Variants in SAMD4B observed in about 807,000 individuals in gnomAD.
SAMD4B encodes the protein sterile alpha motif domain containing 4B, also known as protein Smaug homolog 2.
Under a neutral mutation model 74.5 loss-of-function variants are expected in SAMD4B, and 5 were observed. That is an observed-to-expected ratio of 0.07 (90% confidence interval 0.04 to 0.14). The LOEUF (loss-of-function observed/expected upper bound fraction) is 0.14, where lower values mean the gene tolerates loss of function less well. Ranked by LOEUF, SAMD4B falls within the 10% of genes least tolerant of loss-of-function variation. SAMD4B has a pLI of 1.00. For synonymous variants in SAMD4B, 373 were observed against 374.9 expected (o/e 1.00, Z 0.06); for missense variants, 608 against 921.8 (o/e 0.66, Z 4.41).
intron 4 of SAMD4B, among the ~76,000 whole-genome samples, chr19:39,372,648 G>T (rs1254518406): frequency 3.3e-5 from 5 of 152,154 alleles, no homozygotes; most frequent in African/African-American, 1.2e-4. Context: ...TCATTCTCAT[G>T]CTGTGGCCAG....
intron 3 of SAMD4B, among the ~76,000 whole-genome samples, chr19:39,364,759 C>G (rs2076856298): frequency 6.6e-6 from 1 of 152,104 alleles, no homozygotes; most frequent in East Asian, 1.9e-4. Context: ...CCTTTTCTGC[C>G]TTGGAAAATG....
At chr19:39,381,347 A>T in intron 12 of SAMD4B, 1 of 453,082 alleles carries the variant, frequency 2.2e-6, no homozygotes, top group East Asian at 3.6e-5. Flanking sequence ...CTCACCCCTT[A>T]CTCCTACCCC....
chr19:39,388,141 A>C (rs2145930809), downstream of SAMD4B, among the ~76,000 whole-genome samples: 1 of 151,684 alleles, frequency 6.6e-6, no homozygotes, highest in African/African-American at 2.4e-5. Flanking sequence ...ACTCCATCTC[A>C]AAAAAAAAGA....
intron 1 of SAMD4B, among the ~76,000 whole-genome samples, chr19:39,343,893 T>A (rs564340935): frequency 6.6e-6 from 1 of 151,276 alleles, no homozygotes; most frequent in East Asian, 2.0e-4. Context: ...GCAGACCGGT[T>A]TTAGAGGAAT....
chr19:39,365,491 G>A (rs146113857), intron 3 of SAMD4B, among the ~76,000 whole-genome samples: 1 of 152,032 alleles, frequency 6.6e-6, no homozygotes, highest in African/African-American at 2.4e-5. Context: ...GGAGGTGGAG[G>A]TTGCAGTGAA....
intron 1 of SAMD4B, among the ~76,000 whole-genome samples, chr19:39,353,321 T>C (rs1348455622): frequency 1.3e-5 from 2 of 152,200 alleles, no homozygotes; most frequent in African/African-American, 4.8e-5. Context: ...AAAAGTAATA[T>C]GTATTCACTT....
intron 2 of SAMD4B, among the ~76,000 whole-genome samples, chr19:39,354,842 T>G (rs1200516080): frequency 6.6e-6 from 1 of 152,082 alleles, no homozygotes; most frequent in Admixed American, 6.5e-5. Flanking sequence ...GGCTCGGTAG[T>G]TCAAGATAAG....
intron 12 of SAMD4B, 63 bp downstream of exon 12, chr19:39,381,176 T>C: frequency 6.6e-7 from 1 of 1,520,306 alleles, no homozygotes; most frequent in Non-Finnish European, 8.8e-7. Context: ...TTCTTTTTTC[T>C]CCTGGGTCTC....
At chr19:39,373,812 A>C (rs1466164605) in intron 4 of SAMD4B, among the ~76,000 whole-genome samples, 1 of 151,722 alleles carries the variant, frequency 6.6e-6, no homozygotes, top group Non-Finnish European at 1.5e-5. Context: ...AAAAAATACA[A>C]AATTAGCCAG....
intron 3 of SAMD4B, among the ~76,000 whole-genome samples, chr19:39,359,108 T>C (rs2076503223): frequency 6.6e-6 from 1 of 152,072 alleles, no homozygotes; most frequent in South Asian, 2.1e-4. Flanking sequence ...CCTGCCACAC[T>C]CCCCACCACT....
downstream of SAMD4B, chr19:39,389,412 C>A: frequency 6.2e-7 from 1 of 1,611,540 alleles, no homozygotes; most frequent in African/African-American, 1.3e-5. The surrounding 1 kb of genome is among the most constrained non-coding windows in gnomAD (Gnocchi z 5.3). Context: ...TATCTCAGGA[C>A]CCCACTGCCC....
rs2077536310 is a variant in SAMD4B at position 39,375,311 on chromosome 19, C to T, written c.668-339C>T. Among the ~76,000 whole-genome samples the T allele has an allele frequency of 6.6e-6, 1 of 152,114 alleles. No homozygotes were observed. The highest frequency in any genetic ancestry group is 2.4e-5 in the African/African-American group (1 of 41,408). On this transcript the variant is annotated intron_variant, in intron 4 of 13. Transcript: ENST00000610417. The surrounding 1 kb of genome is among the most constrained non-coding windows in gnomAD (Gnocchi z 4.1). ...GGTCAGATTTGCATTTTTAGAAGGA[C>T]CTTTATGGCTGTTGTGAGGGGCGTG... is the stretch of plus-strand genomic sequence containing the variant.
Position 39,357,065 on chromosome 19 carries a change from C to T in SAMD4B, c.172C>T (p.Leu58=), listed in dbSNP as rs2076374742. The T allele has an allele frequency of 1.2e-6, 2 of 1,611,400 alleles. No homozygotes were observed. Among genetic ancestry groups the T allele is most frequent in the Non-Finnish European group, 1.7e-6 (2 of 1,177,994 alleles). The change falls in exon 3 of 14, where the codon CTG becomes TTG. Residue 58 remains leucine, a synonymous_variant. Transcript: ENST00000610417. The part of the protein sequence containing the change: ...SLADCNDIHL[L]ESEANSAAIV... ...GGCGGACTGCAATGACATCCACCTG[C>T]TGGAGTCGGAGGCCAACAGTGCTGG... is the stretch of plus-strand genomic sequence containing the variant.
intron 4 of SAMD4B, among the ~76,000 whole-genome samples, chr19:39,373,313 G>A (rs574627634): frequency 1.3e-5 from 2 of 152,292 alleles, no homozygotes; most frequent in African/African-American, 4.8e-5. Flanking sequence ...GGAGCTCAGA[G>A]GCCCTCTTAG....
intron 1 of SAMD4B, among the ~76,000 whole-genome samples, chr19:39,353,756 C>T (rs2076187455): frequency 6.6e-6 from 1 of 152,090 alleles, no homozygotes; most frequent in Admixed American, 6.6e-5. Flanking sequence ...CGCCCGCCAC[C>T]ACACCCGGCT....
chr19:39,344,816 C>G (rs1402263189), intron 1 of SAMD4B, among the ~76,000 whole-genome samples: 1 of 152,252 alleles, frequency 6.6e-6, no homozygotes, highest in East Asian at 1.9e-4. Context: ...TCTTTCAGAC[C>G]ATTTTTCTTA....
intron 12 of SAMD4B, among the ~76,000 whole-genome samples, chr19:39,381,521 A>G (rs1161551321): frequency 6.6e-6 from 1 of 152,164 alleles, no homozygotes; most frequent in African/African-American, 2.4e-5. Context: ...CCATCAGCCT[A>G]CTGGGATTCT....
downstream of SAMD4B, chr19:39,390,234 T>C (rs2078347453): frequency 6.2e-7 from 1 of 1,613,542 alleles, no homozygotes; most frequent in African/African-American, 1.3e-5. Flanking sequence ...GCCCCACCGC[T>C]CCTGGGAAAG....
chr19:39,372,127 G>A (rs920369665), intron 4 of SAMD4B, among the ~76,000 whole-genome samples: 7 of 152,104 alleles, frequency 4.6e-5, no homozygotes, highest in Non-Finnish European at 1.0e-4. Flanking sequence ...ATAGGGGTTT[G>A]GACCAAAAGA....
Sources: gnomAD v4.1 joint callset for allele counts (sites outside exome capture counted in the v4.1 genomes callset) on GRCh38, gnomAD v4.1.1 for gene constraint, Gnocchi (gnomAD v3.1) non-coding constraint, MANE v1.5 for transcripts, NCBI Gene and HGNC (gene_info 2026-07-23, HGNC 2026-07-21) for gene names.